UBTD2: variants seen among roughly 807,000 people sequenced by gnomAD.
The protein encoded by UBTD2 is ubiquitin domain containing 2, also known as ubiquitin domain-containing protein 2.
In UBTD2, 9 loss-of-function variants were observed where a neutral mutation model predicts 19.8. The ratio of observed to expected loss-of-function variants is 0.46; its 90% CI spans 0.27 to 0.79. The LOEUF is 0.79. Among genes scored for constraint, UBTD2 ranks in the 30% least tolerant of loss-of-function variants. The probability of loss-of-function intolerance (pLI) is 0.14; values close to 1 mark genes in which losing one functional copy is unlikely to be tolerated. For missense variants in UBTD2, 250 were observed against 300.4 expected, an observed-to-expected ratio of 0.83 and a Z score of 1.24; for synonymous variants, 98 against 103.9, an observed-to-expected ratio of 0.94 and a Z score of 0.35.
chr5:172,214,461 A>G (rs1288397157), intron 2 of UBTD2, among the ~76,000 whole-genome samples: 5 of 152,166 alleles, frequency 3.3e-5, no homozygotes, highest in Non-Finnish European at 5.9e-5. Flanking sequence ...GTAGAAATGG[A>G]TCTACTTCAA....
intron 1 of UBTD2, chr5:172,252,450 C>G (rs1416074513): frequency 6.6e-6 from 1 of 152,208 alleles, no homozygotes; most frequent in Non-Finnish European, 1.5e-5. Context: ...AGGGAACATA[C>G]ATACCTGCTC....
intron 2 of UBTD2, among the ~76,000 whole-genome samples, chr5:172,229,266 C>T (rs972998815): frequency 1.6e-4 from 25 of 151,788 alleles, no homozygotes; most frequent in African/African-American, 2.7e-4. Context: ...TTTGGGAGGC[C>T]GAGGCGGGTG....
At chr5:172,251,052 C>T (rs571016192) in intron 1 of UBTD2, among the ~76,000 whole-genome samples, 9 of 151,654 alleles carry the variant, frequency 5.9e-5, no homozygotes, top group Non-Finnish European at 1.2e-4. Flanking sequence ...CGGTAGCTCA[C>T]GCCTGTAATC....
rs182792763 is a variant in UBTD2, at chr5:172,241,517, A to G, written c.71-7159T>C. Among the ~76,000 whole-genome samples, 22 of 152,184 alleles carry G rather than the reference A, an allele frequency of 1.4e-4. No individual in the cohort carries two copies. The East Asian group carries it at 3.9e-3, about 27-fold the overall frequency. ...ACAGAATAAAACAACTAGAAATTTA[A>G]GGACCAGAAATAAAACTAACTCTAG... is the stretch of plus-strand genomic sequence containing the variant. On this transcript the variant is annotated intron_variant, in intron 1 of 2. Transcript: ENST00000393792.
At chr5:172,246,438 T>C (rs1754883747) in intron 1 of UBTD2, among the ~76,000 whole-genome samples, 1 of 134,928 alleles carries the variant, frequency 7.4e-6, no homozygotes, top group Non-Finnish European at 1.5e-5. Flanking sequence ...CACATTGAGA[T>C]TGCTTTTTTT....
At chr5:172,245,410 G>C (rs986146817) in intron 1 of UBTD2, among the ~76,000 whole-genome samples, 2 of 152,144 alleles carry the variant, frequency 1.3e-5, no homozygotes, top group Non-Finnish European at 2.9e-5. Flanking sequence ...TCTAACCTGT[G>C]CATGCATGGA....
At chr5:172,244,908 T>C (rs965719406) in intron 1 of UBTD2, among the ~76,000 whole-genome samples, 2 of 152,066 alleles carry the variant, frequency 1.3e-5, no homozygotes, top group Non-Finnish European at 2.9e-5. Context: ...TTCGTATTTT[T>C]AGTAGAGACG....
intron 1 of UBTD2, among the ~76,000 whole-genome samples, chr5:172,256,517 C>T (rs1755155174): frequency 7.0e-6 from 1 of 143,150 alleles, no homozygotes; most frequent in Non-Finnish European, 1.5e-5. Flanking sequence ...CAGGTGCATG[C>T]CACCATGCCC....
Position 172,220,881 on chromosome 5 carries a change from A to G in UBTD2, c.308-8654T>C, listed in dbSNP as rs151315985. Among the ~76,000 whole-genome samples, 58 of 152,334 alleles carry G rather than the reference A, an allele frequency of 3.8e-4. No homozygotes were observed. The East Asian group carries it at 8.9e-3, about 23-fold the overall frequency. On this transcript the variant is annotated intron_variant, in intron 2 of 2. Coordinates refer to ENST00000393792, the MANE Select transcript of UBTD2 (RefSeq NM_152277.3). ...TCTATGTAAAAAATATGAAGAATCA[A>G]CATAAAAGCTACTAGACCTAATAAG... is the stretch of plus-strand genomic sequence containing the variant.
chr5:172,243,265 G>A (rs1178479001), intron 1 of UBTD2, among the ~76,000 whole-genome samples: 1 of 151,720 alleles, frequency 6.6e-6, no homozygotes. Flanking sequence ...CTTACCAATA[G>A]CTTATACAAT....
chr5:172,282,846 T>A (rs1304186426), intron 1 of UBTD2, among the ~76,000 whole-genome samples: 1 of 152,204 alleles, frequency 6.6e-6, no homozygotes, highest in Non-Finnish European at 1.5e-5. Flanking sequence ...AAAGTACTGA[T>A]CTTACTGGGT....
Position 172,209,989 on chromosome 5 carries a change from C to T in UBTD2, c.*1841G>A, listed in dbSNP as rs1416949191. 2 of 152,088 alleles carry T rather than the reference C, an allele frequency of 1.3e-5. No individual in the cohort carries two copies. Among genetic ancestry groups the T allele is most frequent in the Non-Finnish European group, 1.5e-5 (1 of 68,012 alleles). The allele number at this position is 152,088 out of a possible 1,614,324, so 9.4% of individuals were successfully genotyped here. On this transcript the variant is annotated 3_prime_UTR_variant, in exon 3 of 3. Transcript: ENST00000393792. ...ACAAACTTTGAGAAGTGCTGCTATT[C>T]GATGTGGCACACAAATGAACAAAAA...
At chr5:172,256,740 G>C (rs553978924) in intron 1 of UBTD2, among the ~76,000 whole-genome samples, 1 of 152,126 alleles carries the variant, frequency 6.6e-6, no homozygotes, top group East Asian at 1.9e-4. Flanking sequence ...AGACAACATG[G>C]TGAAACACCA....
intron 2 of UBTD2, among the ~76,000 whole-genome samples, chr5:172,232,754 C>T (rs1036126005): frequency 6.6e-6 from 1 of 151,166 alleles, no homozygotes; most frequent in East Asian, 1.9e-4. Flanking sequence ...CATGGTGATG[C>T]GTGCCTGTAG....
intron 1 of UBTD2, among the ~76,000 whole-genome samples, chr5:172,278,819 G>A (rs1315264232): frequency 1.3e-5 from 2 of 152,072 alleles, no homozygotes; most frequent in African/African-American, 4.8e-5. Flanking sequence ...CTGTCACCCA[G>A]GCTGGAGTGC....
intron 2 of UBTD2, among the ~76,000 whole-genome samples, chr5:172,214,250 T>TA (rs1771502284): frequency 6.6e-6 from 1 of 152,258 alleles, no homozygotes; most frequent in South Asian, 2.1e-4. Flanking sequence ...AATGAACCGG[T>TA]ATTTGTGTTT....
chr5:172,229,614 T>C (rs1771850601), intron 2 of UBTD2, among the ~76,000 whole-genome samples: 1 of 151,822 alleles, frequency 6.6e-6, no homozygotes, highest in Non-Finnish European at 1.5e-5. Context: ...TAATTGTAGA[T>C]GCTAAACAAA....
At chr5:172,272,992 G>T (rs142087078) in intron 1 of UBTD2, among the ~76,000 whole-genome samples, 2,129 of 151,098 alleles carry the variant, frequency 0.014, 39 homozygotes, top group African/African-American at 0.049. Flanking sequence ...CAGGAAAATC[G>T]CTTGAACCCA....
At chr5:172,222,876 A>G (rs10073859) in intron 2 of UBTD2, among the ~76,000 whole-genome samples, 50,588 of 152,028 alleles carry the variant, frequency 0.33, 8,528 homozygotes, top group South Asian at 0.42. Context: ...AGGTAAATTA[A>G]ACGTTCAACA....
Sources: gnomAD v4.1 joint callset for allele counts (sites outside exome capture counted in the v4.1 genomes callset) on GRCh38, gnomAD v4.1.1 for gene constraint, MANE v1.5 for transcripts, NCBI Gene and HGNC (gene_info 2026-07-23, HGNC 2026-07-21) for gene names.